The following ARHGAP26 variants were observed in gnomAD, a reference collection of about 807,000 sequenced individuals.
The protein encoded by ARHGAP26 is Rho GTPase activating protein 26.
Under a neutral mutation model 104.8 loss-of-function variants are expected in ARHGAP26, and 38 were observed. That is an observed-to-expected ratio of 0.36 (90% CI 0.28 to 0.48). The LOEUF (loss-of-function observed/expected upper bound fraction) is 0.48. Ranked by LOEUF, ARHGAP26 falls within the 20% of genes least tolerant of loss-of-function variation. The pLI is 0.99. For missense variants in ARHGAP26, 704 were observed against 947.9 expected (o/e 0.74, Z 3.38); for synonymous variants, 341 against 340.0 (o/e 1.00, Z -0.03).
At chr5:142,810,101 A>G (rs2152013720) in intron 1 of ARHGAP26, among the ~76,000 whole-genome samples, 2 of 152,346 alleles carry the variant, frequency 1.3e-5, no homozygotes, top group South Asian at 4.1e-4. Context: ...ATCATCTCCA[A>G]CAGGGAAGGT....
intron 17 of ARHGAP26, among the ~76,000 whole-genome samples, chr5:143,097,869 A>G (rs1358548351): frequency 6.6e-6 from 1 of 151,734 alleles, no homozygotes; most frequent in Non-Finnish European, 1.5e-5. Context: ...ACTGATGTCT[A>G]AGATTTTTTA....
At chr5:143,092,228 A>ATC in intron 17 of ARHGAP26, among the ~76,000 whole-genome samples, 1 of 145,360 alleles carries the variant, frequency 6.9e-6, no homozygotes, top group East Asian at 2.0e-4. Context: ...CAGTGGCACG[A>ATC]TCTCGGCTCA....
chr5:143,223,565 C>A lies in ARHGAP26; in HGVS notation c.*1119C>A. 1 of 232,372 alleles carries A rather than the reference C, an allele frequency of 4.3e-6. No homozygotes were observed. The highest frequency in any genetic ancestry group is 8.5e-6 in the Non-Finnish European group (1 of 117,206). The allele number at this position is 232,372 out of a possible 1,614,324, so 14.4% of individuals were successfully genotyped here. ...TGCTCCCACCCTTGCCTGCCTCTAA[C>A]CCACCACTGGCCAGCCCCCTTGCCC... On this transcript the variant is annotated 3_prime_UTR_variant, in exon 23 of 23. Transcript: ENST00000645722.
At chr5:143,222,246 TACACAC>T (rs66463225) in intron 22 of ARHGAP26, 106 bp from the exon 23 acceptor site, 4,888 of 477,724 alleles carry the variant, frequency 0.01, 12 homozygotes, top group African/African-American at 0.021. Flanking sequence ...GCTTCCTTCA[TACACAC>T]ACACACACAC....
chr5:143,115,208 C>T (rs1445690575), intron 17 of ARHGAP26, among the ~76,000 whole-genome samples: 1 of 151,936 alleles, frequency 6.6e-6, no homozygotes. Context: ...TGGTATGCAC[C>T]TGTAATCCCA....
At position 142,992,879 on chromosome 5, in the gene ARHGAP26, G is replaced by A. The variant is rs533092092; in HGVS notation, c.1108-21201G>A. On this transcript the variant is annotated intron_variant, in intron 11 of 22. Transcript: ENST00000645722. ...GGACTGCTTAACCTTCTTGGGGTGA[G>A]CACAACTGTAAGTGAGCAATTTAAT... 1.8e-3 allele frequency among the ~76,000 whole-genome samples: 273 copies of A among 152,352 alleles called. 1 individual carries two copies. The highest frequency in any genetic ancestry group is 6.1e-3 in the African/African-American group (254 of 41,594).
chr5:142,951,665 C>A lies in ARHGAP26; in HGVS notation c.1107+19540C>A, dbSNP rs544736796. On this transcript the variant is annotated intron_variant, in intron 11 of 22. Transcript: ENST00000645722. ...TGAGATGTGAGTCCAGATCTTCTGACTAAATAATCAGCCACAACCTGGCCA... is the reference window on the plus strand; with the variant it reads ...TGAGATGTGAGTCCAGATCTTCTGAATAAATAATCAGCCACAACCTGGCCA... Among the ~76,000 whole-genome samples the A allele has an allele frequency of 8.5e-5, 13 of 152,288 alleles. 1 individual carries two copies. In the East Asian group the frequency reaches 2.5e-3, roughly 29 times the overall value.
At chr5:143,039,397 G>A (rs1471670620) in intron 13 of ARHGAP26, among the ~76,000 whole-genome samples, 1 of 151,860 alleles carries the variant, frequency 6.6e-6, no homozygotes, top group African/African-American at 2.4e-5. Context: ...TAGTAGAGAT[G>A]GTTTTACCAC....
At chr5:143,037,919 C>T (rs538582194) in intron 13 of ARHGAP26, among the ~76,000 whole-genome samples, 45 of 152,246 alleles carry the variant, frequency 3.0e-4, no homozygotes, top group African/African-American at 1.0e-3. Flanking sequence ...GGGGTCAGGC[C>T]CATGTTCACA....
chr5:143,083,939 T>G (rs1790181023), intron 17 of ARHGAP26, among the ~76,000 whole-genome samples: 1 of 152,250 alleles, frequency 6.6e-6, no homozygotes, highest in Non-Finnish European at 1.5e-5. Flanking sequence ...TCATAAAAAT[T>G]AAGGCATGAT....
chr5:143,034,830 AT>A (rs1319079826), intron 12 of ARHGAP26, among the ~76,000 whole-genome samples: 1 of 152,182 alleles, frequency 6.6e-6, no homozygotes, highest in African/African-American at 2.4e-5. Context: ...TTGTTATTAA[AT>A]TTGAAAAATG....
intron 20 of ARHGAP26, among the ~76,000 whole-genome samples, chr5:143,193,631 A>G (rs958660674): frequency 6.6e-6 from 1 of 152,174 alleles, no homozygotes; most frequent in African/African-American, 2.4e-5. Context: ...GGCAATTTGC[A>G]TATGCTAAAG....
intron 18 of ARHGAP26, among the ~76,000 whole-genome samples, chr5:143,125,048 G>A (rs1374241458): frequency 6.6e-6 from 1 of 152,032 alleles, no homozygotes; most frequent in East Asian, 1.9e-4. Context: ...TGTGAGCCTT[G>A]GTATGGAGAA....
intron 1 of ARHGAP26, among the ~76,000 whole-genome samples, chr5:142,832,280 A>C (rs1252548911): frequency 6.6e-6 from 1 of 152,244 alleles, no homozygotes; most frequent in Non-Finnish European, 1.5e-5. Flanking sequence ...GATAGGGCCT[A>C]TAAAGAGGTA....
chr5:142,922,208 A>G (rs1763288899), intron 10 of ARHGAP26: 1 of 152,222 alleles, frequency 6.6e-6, no homozygotes, highest in Non-Finnish European at 1.5e-5. Flanking sequence ...TGTTTCTTCT[A>G]GCTTGCTAAG....
chr5:143,176,659 G>A (rs561564683), intron 20 of ARHGAP26, among the ~76,000 whole-genome samples: 3 of 152,214 alleles, frequency 2.0e-5, no homozygotes, highest in Middle Eastern at 6.8e-3. Flanking sequence ...AAAAGCACTT[G>A]GAAAGACAGT....
At chr5:142,950,982 CCTTCCT>C (rs1768254577) in intron 11 of ARHGAP26, among the ~76,000 whole-genome samples, 1 of 150,962 alleles carries the variant, frequency 6.6e-6, no homozygotes, top group African/African-American at 2.4e-5. Context: ...TTTCCCTTTC[CCTTCCT>C]CTTTCCCTTT....
intron 17 of ARHGAP26, among the ~76,000 whole-genome samples, chr5:143,097,425 C>T (rs1300610739): frequency 2.0e-5 from 3 of 151,296 alleles, no homozygotes; most frequent in African/African-American, 7.3e-5. Context: ...GGGAAATTCC[C>T]TGTGAGTACA....
intron 11 of ARHGAP26, among the ~76,000 whole-genome samples, chr5:142,996,178 C>CT (rs1289404967): frequency 2.0e-5 from 3 of 152,104 alleles, no homozygotes; most frequent in Non-Finnish European, 4.4e-5. Context: ...TATCCCAGAA[C>CT]TTAAAGTATA....
Sources: gnomAD v4.1 joint callset for allele counts (sites outside exome capture counted in the v4.1 genomes callset) on GRCh38, gnomAD v4.1.1 for gene constraint, MANE v1.5 for transcripts, NCBI Gene and HGNC (gene_info 2026-07-23, HGNC 2026-07-21) for gene names.